Variants in CYTH4 observed in about 807,000 individuals in gnomAD.
CYTH4 encodes cytohesin 4, also known as cytohesin-4.
In CYTH4, 22 loss-of-function variants were observed where a neutral mutation model predicts 57.5. The ratio of observed to expected loss-of-function variants is 0.38; its 90% CI spans 0.27 to 0.55. The LOEUF (loss-of-function observed/expected upper bound fraction) is 0.55, where lower values mean the gene tolerates loss of function less well. CYTH4 is among the 20% of genes least tolerant of loss of function. CYTH4 has a pLI of 0.74. For missense variants in CYTH4, 420 were observed against 535.6 expected (o/e 0.78, Z 2.13); for synonymous variants, 186 against 206.5 (o/e 0.90, Z 0.85).
rs770510265 is a variant in CYTH4 at position 37,282,752 on chromosome 22, T to A, written c.19+164T>A. Among the ~76,000 whole-genome samples the A allele has an allele frequency of 5.3e-5, 8 of 152,312 alleles. No individual in the cohort carries two copies. The South Asian group carries it at 8.3e-4, about 16-fold the overall frequency. Reference sequence around the variant, plus strand: ...GGCTCAGCCTGTGTGTCCAGTTGCGTTCTAGGGGCTGGACACACAGCAGTA... The same window carrying A: ...GGCTCAGCCTGTGTGTCCAGTTGCGATCTAGGGGCTGGACACACAGCAGTA... On this transcript the variant is annotated intron_variant, in intron 1 of 12. Transcript: ENST00000248901.
chr22:37,292,886 G>T (rs772534887), intron 2 of CYTH4, among the ~76,000 whole-genome samples, 183 bp downstream of exon 2: 13 of 152,132 alleles, frequency 8.5e-5, no homozygotes, highest in Non-Finnish European at 1.5e-4. Context: ...CCGAGACCCA[G>T]GGAGAACTGG....
At chr22:37,308,127 C>G (rs575884976) in intron 8 of CYTH4, among the ~76,000 whole-genome samples, 1 of 152,344 alleles carries the variant, frequency 6.6e-6, no homozygotes, top group East Asian at 1.9e-4. Context: ...CCACCCTGGG[C>G]TCTCCCTCAG....
In CYTH4 at chr22:37,296,043, A is replaced by G. The variant is rs1427319086; in HGVS notation, c.212A>G (p.Lys71Arg). ...AAGGAGCTGTGTATTGGGCGCAAGAAGTTCAACATGGACCCCGCCAAGGTA... is the reference window on the plus strand; with the variant it reads ...AAGGAGCTGTGTATTGGGCGCAAGAGGTTCAACATGGACCCCGCCAAGGTA... ...KEKELCIGRK[K>R]FNMDPAKGIQ... Residue 71 changes from lysine to arginine, a missense_variant, in exon 4 of 13, where the codon AAG (lysine) becomes AGG (arginine). Transcript: ENST00000248901. 6.2e-7 allele frequency: 1 copy of G among 1,613,402 alleles called. No individual in the cohort carries two copies. Among genetic ancestry groups the G allele is most frequent in the Admixed American group, 1.7e-5 (1 of 59,948 alleles).
chr22:37,286,881 G>A (rs1280864386), intron 1 of CYTH4, among the ~76,000 whole-genome samples: 1 of 152,168 alleles, frequency 6.6e-6, no homozygotes, highest in East Asian at 1.9e-4. Context: ...GGTAGAAGAG[G>A]CAGGGAGGCA....
At chr22:37,297,776 A>C (rs907890496) in intron 5 of CYTH4, 94 bp downstream of exon 5, 2 of 1,101,488 alleles carry the variant, frequency 1.8e-6, no homozygotes, top group African/African-American at 1.5e-5. Context: ...GAATTATGTT[A>C]GCAAAGTCAT....
chr22:37,286,593 C>T (rs1382988486), intron 1 of CYTH4, among the ~76,000 whole-genome samples: 8 of 151,868 alleles, frequency 5.3e-5, no homozygotes, highest in Non-Finnish European at 1.2e-4. Context: ...CCCAGGAGGA[C>T]CCCTGAAAAG....
At chr22:37,310,062 G>A in intron 9 of CYTH4, 1 of 463,976 alleles carries the variant, frequency 2.2e-6, no homozygotes, top group Non-Finnish European at 4.5e-6. Context: ...GTTGAAGCAG[G>A]GGTCTCAACC....
At chr22:37,297,304 G>T (rs924313806) in intron 4 of CYTH4, among the ~76,000 whole-genome samples, 2 of 152,096 alleles carry the variant, frequency 1.3e-5, no homozygotes, top group African/African-American at 4.8e-5. Context: ...CAGACTGAGG[G>T]GGACCCTGGG....
At chr22:37,287,558 G>A (rs1383289150) in intron 1 of CYTH4, among the ~76,000 whole-genome samples, 2 of 152,188 alleles carry the variant, frequency 1.3e-5, no homozygotes, top group Admixed American at 6.5e-5. Context: ...CGGCCTCCCC[G>A]CCAGCTCCTG....
At chr22:37,283,832 G>A (rs527264724) in intron 1 of CYTH4, among the ~76,000 whole-genome samples, 15 of 152,142 alleles carry the variant, frequency 9.9e-5, no homozygotes, top group South Asian at 2.1e-4. Flanking sequence ...GAGACCCAGC[G>A]AAGGGCAGCA....
chr22:37,288,701 C>A (rs1400191094), intron 1 of CYTH4, among the ~76,000 whole-genome samples: 15 of 152,214 alleles, frequency 9.9e-5, no homozygotes. Flanking sequence ...GACAGAGCAC[C>A]ACACAGTGGT....
chr22:37,302,320 G>T (rs1200966322), intron 7 of CYTH4, among the ~76,000 whole-genome samples: 2 of 152,202 alleles, frequency 1.3e-5, no homozygotes, highest in Non-Finnish European at 2.9e-5. Flanking sequence ...AGGAAAGAAG[G>T]CATCTTAAAG....
At chr22:37,290,788 G>A (rs963407516) in intron 1 of CYTH4, among the ~76,000 whole-genome samples, 2 of 152,200 alleles carry the variant, frequency 1.3e-5, no homozygotes, top group East Asian at 1.9e-4. Context: ...GATTAGAGGC[G>A]TGAGCCACCT....
chr22:37,305,787 A>T (rs148086803), intron 8 of CYTH4, among the ~76,000 whole-genome samples: 105 of 152,348 alleles, frequency 6.9e-4, no homozygotes, highest in African/African-American at 2.4e-3. Context: ...AATTTGCAAA[A>T]TTAAGTCTAC....
intron 1 of CYTH4, among the ~76,000 whole-genome samples, chr22:37,288,656 C>T (rs924365818): frequency 6.6e-6 from 1 of 152,170 alleles, no homozygotes; most frequent in Non-Finnish European, 1.5e-5. Context: ...ACTCCTACCC[C>T]TCAGCTCGTA....
In CYTH4 at chr22:37,314,069, G is replaced by A. The variant is rs1459261699; in HGVS notation, c.*558G>A. On this transcript the variant is annotated 3_prime_UTR_variant, in exon 13 of 13. Coordinates refer to ENST00000248901, the MANE Select transcript of CYTH4 (RefSeq NM_013385.5). ...GGACAGGACCCCGGGACAGAACCCC[G>A]GGAGCACTGCCCTAGGAGCCCGGAC... 4 of 323,676 alleles carry A rather than the reference G, an allele frequency of 1.2e-5. No individual in the cohort carries two copies. Among genetic ancestry groups the A allele is most frequent in the Middle Eastern group, 7.9e-4 (1 of 1,264 alleles). 20.1% of individuals were successfully genotyped at this position (323,676 alleles called of 1,614,324 possible).
At chr22:37,312,314 C>CATGGAATACGG in intron 12 of CYTH4, 140 bp downstream of exon 12, 4 of 1,227,992 alleles carry the variant, frequency 3.3e-6, no homozygotes, top group Non-Finnish European at 3.4e-6. Context: ...CCCTTCCACC[C>CATGGAATACGG]GTATTCCATG....
At chr22:37,308,567 CATGT>C (rs899881696) in intron 8 of CYTH4, among the ~76,000 whole-genome samples, 7 of 148,702 alleles carry the variant, frequency 4.7e-5, no homozygotes, top group African/African-American at 1.5e-4. Flanking sequence ...CGTGTGTATA[CATGT>C]ATGTGTGAGC....
At chr22:37,308,372 T>C (rs184440372) in intron 8 of CYTH4, among the ~76,000 whole-genome samples, 2 of 152,182 alleles carry the variant, frequency 1.3e-5, no homozygotes, top group Non-Finnish European at 2.9e-5. Flanking sequence ...CATGTATATA[T>C]GTGTGCATGT....
Sources: allele counts gnomAD v4.1 joint callset (sites outside exome capture counted in the v4.1 genomes callset), GRCh38; gene constraint gnomAD v4.1.1; transcripts MANE v1.5; gene names NCBI Gene and HGNC (gene_info 2026-07-23, HGNC 2026-07-21).